GPLD1: variants seen among roughly 807,000 people sequenced by gnomAD.
GPLD1 encodes the protein phosphatidylinositol-glycan-specific phospholipase D.
A neutral mutation model predicts 112.6 loss-of-function variants in GPLD1; 84 were observed. The ratio of observed to expected loss-of-function variants is 0.75; its 90% CI spans 0.63 to 0.89. The LOEUF (loss-of-function observed/expected upper bound fraction) is 0.89. Among genes scored for constraint, GPLD1 ranks in the 40% least tolerant of loss-of-function variants. The pLI is 0.00. For missense variants in GPLD1, 1,044 were observed against 1,051.5 expected, an observed-to-expected ratio of 0.99 and a Z score of 0.10; for synonymous variants, 386 against 403.8, an observed-to-expected ratio of 0.96 and a Z score of 0.53.
At chr6:24,440,044 G>A (rs527542721) in intron 20 of GPLD1, among the ~76,000 whole-genome samples, 1 of 152,278 alleles carries the variant, frequency 6.6e-6, no homozygotes, top group South Asian at 2.1e-4. Flanking sequence ...CCAGTGGAGG[G>A]AGCAGAAAAC....
At position 24,476,286 on chromosome 6, in the gene GPLD1, A is replaced by G. The variant is rs1254668244; in HGVS notation, c.233-8T>C. ...ACACATCATGGAATTTTCCTGACAA[A>G]ACAAAAGCAGGGCTCTAGATTCTCT... is the stretch of plus-strand genomic sequence containing the variant. On this transcript the variant is annotated splice_region_variant and splice_polypyrimidine_tract_variant and intron_variant, in intron 3 of 24. Transcript: ENST00000230036. 13 of 1,441,360 alleles carry G rather than the reference A, an allele frequency of 9.0e-6. No individual in the cohort carries two copies. Among genetic ancestry groups the G allele is most frequent in the Non-Finnish European group, 1.2e-5 (12 of 1,043,234 alleles). 89.3% of individuals were successfully genotyped at this position (1,441,360 alleles called of 1,614,324 possible).
chr6:24,440,798 G>A (rs1035701417), intron 20 of GPLD1, among the ~76,000 whole-genome samples: 2 of 151,464 alleles, frequency 1.3e-5, no homozygotes, highest in African/African-American at 4.8e-5. Context: ...GAGATAGGTA[G>A]GTAGGTAGGC....
chr6:24,467,629 GTAATT>G (rs1763661997), intron 7 of GPLD1, among the ~76,000 whole-genome samples: 1 of 152,108 alleles, frequency 6.6e-6, no homozygotes, highest in Admixed American at 6.6e-5. Flanking sequence ...AGTTCAAGAA[GTAATT>G]TAAAGTATTT....
intron 22 of GPLD1, 52 bp downstream of exon 22, chr6:24,436,524 A>G (rs1762581835): frequency 1.1e-5 from 17 of 1,484,290 alleles, no homozygotes; most frequent in Non-Finnish European, 1.4e-5. Flanking sequence ...ACAAGGAATC[A>G]GCAATTAGTG....
intron 12 of GPLD1, among the ~76,000 whole-genome samples, chr6:24,460,054 C>T (rs756120356): frequency 2.6e-5 from 4 of 152,182 alleles, no homozygotes; most frequent in African/African-American, 9.6e-5. Context: ...ACAGCCATCA[C>T]ACCCAGCTAA....
At chr6:24,441,157 A>G (rs1217451886) in intron 20 of GPLD1, among the ~76,000 whole-genome samples, 4 of 151,166 alleles carry the variant, frequency 2.6e-5, no homozygotes, top group Non-Finnish European at 3.0e-5. Flanking sequence ...AAAAAAAAAA[A>G]TAGCTGGGCA....
At chr6:24,474,893 T>C (rs367640362) in intron 5 of GPLD1, among the ~76,000 whole-genome samples, 2 of 148,286 alleles carry the variant, frequency 1.3e-5, no homozygotes, top group African/African-American at 5.0e-5. Flanking sequence ...TGAGCCAAGA[T>C]CGCGCCTTCG....
chr6:24,466,028 C>T (rs1198400250), intron 10 of GPLD1, among the ~76,000 whole-genome samples: 1 of 152,134 alleles, frequency 6.6e-6, no homozygotes, highest in African/African-American at 2.4e-5. Context: ...GCACTCCAGC[C>T]CCCAGCATGG....
Position 24,437,140 on chromosome 6 carries a change from A to G in GPLD1, c.2170T>C (p.Leu724=). 6.2e-7 allele frequency: 1 copy of G among 1,614,224 alleles called. No homozygotes were observed. Among genetic ancestry groups the G allele is most frequent in the Non-Finnish European group, 8.5e-7 (1 of 1,180,010 alleles). Residue 724 remains leucine (L), a synonymous_variant, in exon 21 of 25, where the codon TTG becomes CTG. Coordinates refer to ENST00000230036, the MANE Select transcript of GPLD1 (RefSeq NM_001503.4). ...AAGCCATCATCATCCAGGTCACTCA[A>G]GTGCAGAACGCCACCAAATCGGGAG... ...RFSRFGGVLH[L]SDLDDDGLDE... is the part of the protein sequence containing the mutation.
At chr6:24,493,056 G>C (rs1220182402), upstream of GPLD1, among the ~76,000 whole-genome samples, 1 of 152,138 alleles carries the variant, frequency 6.6e-6, no homozygotes, top group Non-Finnish European at 1.5e-5. Context: ...AAGTCATCTG[G>C]GAAAGGGAGT....
rs145430314 is a variant in GPLD1, at chr6:24,476,223, G to A, written c.288C>T (p.Ser96=). 169 of 1,576,340 alleles carry A rather than the reference G, an allele frequency of 1.1e-4. No individual in the cohort carries two copies. In the Admixed American group the frequency reaches 1.3e-3, roughly 12 times the overall value. The part of the protein sequence containing the change: ...STHWTPFLNA[S]VHYIRENYPL... ...GATAGTTCTCTCGGATATAATGAAC[G>A]CTTGCATTAAGAAACGGAGTCCAGT... Residue 96 remains serine, a synonymous_variant, in exon 4 of 25, where the codon AGC becomes AGT. Coordinates refer to ENST00000230036, the MANE Select transcript of GPLD1 (RefSeq NM_001503.4).
At position 24,433,239 on chromosome 6, in the gene GPLD1, T is replaced by G; in HGVS notation, c.2386-2A>C. On this transcript the variant is annotated splice_acceptor_variant, in intron 23 of 24. Coordinates refer to ENST00000230036, the MANE Select transcript of GPLD1 (RefSeq NM_001503.4). LOFTEE classifies it high-confidence loss of function. ...GGAGCTCCCAAACCTTGAGCTGGCC[T>G]GTAAAACATGCCGTCTGTTAATGGG... is the stretch of plus-strand genomic sequence containing the variant. 6.2e-7 allele frequency: 1 copy of G among 1,612,714 alleles called. No homozygotes were observed. Among genetic ancestry groups the G allele is most frequent in the Non-Finnish European group, 8.5e-7 (1 of 1,178,690 alleles).
intron 11 of GPLD1, 51 bp from the exon 12 acceptor site, chr6:24,460,450 C>CCG: frequency 6.3e-7 from 1 of 1,592,590 alleles, no homozygotes; most frequent in East Asian, 2.2e-5. Flanking sequence ...AAACAACCCC[C>CCG]TGTAAAACTG....
intron 22 of GPLD1, among the ~76,000 whole-genome samples, chr6:24,435,160 C>T (rs1207923633): frequency 1.3e-5 from 2 of 151,652 alleles, no homozygotes; most frequent in South Asian, 2.1e-4. Context: ...TACAGGCGCC[C>T]GCCACCAAGC....
chr6:24,456,706 C>A, intron 12 of GPLD1, 69 bp from the exon 13 acceptor site: 1 of 1,059,556 alleles, frequency 9.4e-7, no homozygotes. Context: ...TGTTTCCTGT[C>A]CAAAGTATTG....
At chr6:24,432,891 G>C (rs1461338651) in intron 24 of GPLD1, among the ~76,000 whole-genome samples, 1 of 152,130 alleles carries the variant, frequency 6.6e-6, no homozygotes, top group Non-Finnish European at 1.5e-5. Context: ...AAAACATTCT[G>C]TTTTGATTTC....
At chr6:24,475,431 TCA>T in intron 4 of GPLD1, among the ~76,000 whole-genome samples, 200 bp from the exon 5 acceptor site, 1 of 151,740 alleles carries the variant, frequency 6.6e-6, no homozygotes, top group African/African-American at 2.4e-5. Context: ...TCCCAGCTAC[TCA>T]GGAGGCTGAG....
chr6:24,469,957 A>C (rs554690056), intron 7 of GPLD1, among the ~76,000 whole-genome samples: 30 of 152,264 alleles, frequency 2.0e-4, no homozygotes, highest in African/African-American at 7.0e-4. Flanking sequence ...CAAAATAACA[A>C]AAAATATTTT....
At chr6:24,474,994 A>C in intron 5 of GPLD1, 127 bp downstream of exon 5, 1 of 589,064 alleles carries the variant, frequency 1.7e-6, no homozygotes. Context: ...GACTCTAACC[A>C]AACACTGCTT....
Sources: allele counts gnomAD v4.1 joint callset (sites outside exome capture counted in the v4.1 genomes callset), GRCh38; gene constraint gnomAD v4.1.1; transcripts MANE v1.5; gene names NCBI Gene and HGNC (gene_info 2026-07-23, HGNC 2026-07-21).